ZNF605: variants seen among roughly 807,000 people sequenced by gnomAD.
ZNF605 encodes zinc finger protein 605.
Under a neutral mutation model 7.9 loss-of-function variants are expected in ZNF605, and 9 were observed. The observed-to-expected ratio is 1.14, with a 90% CI of 0.68 to 1.98. The LOEUF is 1.98. ZNF605 is among the 30% of genes most tolerant of loss of function. The pLI, the probability that ZNF605 is intolerant of heterozygous loss-of-function variation, is 0.00. For missense variants in ZNF605, 673 were observed against 762.4 expected (o/e 0.88, Z 1.38); for synonymous variants, 255 against 260.1 (o/e 0.98, Z 0.19).
At position 132,927,666 on chromosome 12, in the gene ZNF605, A is replaced by AT. The variant is rs536891180; in HGVS notation, c.137-505dup. On this transcript the variant is annotated intron_variant, in intron 4 of 4. Transcript: ENST00000360187. ...GGTGTGAGCCACTGCGCCCAGCCTTATTTTTTTTTTAGAGGGAGTCTCACT... is the reference window on the plus strand; with the variant it reads ...GGTGTGAGCCACTGCGCCCAGCCTTATTTTTTTTTTTAGAGGGAGTCTCACT... 2.3e-4 allele frequency among the ~76,000 whole-genome samples: 33 copies of AT among 143,058 alleles called. No individual in the cohort carries two copies. In the East Asian group the frequency reaches 4.0e-3, roughly 18 times the overall value. The allele number at this position is 143,058 out of a possible 152,430, so 93.9% of individuals were successfully genotyped here. A position where few individuals can be genotyped will look rare whatever the true frequency, so the allele number is the denominator to read the frequency against.
At chr12:132,931,164 A>C (rs1952304912) in intron 4 of ZNF605, among the ~76,000 whole-genome samples, 1 of 152,138 alleles carries the variant, frequency 6.6e-6, no homozygotes, top group Non-Finnish European at 1.5e-5. Flanking sequence ...TGCGTGACAA[A>C]GTGAGACCTT....
Position 132,925,233 on chromosome 12 carries a change from T to C in ZNF605, c.*140A>G, listed in dbSNP as rs1952234727. 3.4e-6 allele frequency: 2 copies of C among 587,684 alleles called. No individual in the cohort carries two copies. The highest frequency in any genetic ancestry group is 5.7e-6 in the Non-Finnish European group (2 of 352,844). 36.4% of individuals were successfully genotyped at this position (587,684 alleles called of 1,614,324 possible). A position where few individuals can be genotyped will look rare whatever the true frequency, so the allele number is the denominator to read the frequency against. ...AAAACTTCTCTTTCTAAATTCTGCTTAGTGACTCTTGACTCCTCAATTCAA... is the reference window on the plus strand; with the variant it reads ...AAAACTTCTCTTTCTAAATTCTGCTCAGTGACTCTTGACTCCTCAATTCAA... On this transcript the variant is annotated 3_prime_UTR_variant, in exon 5 of 5. Coordinates refer to ENST00000360187, the MANE Select transcript of ZNF605 (RefSeq NM_183238.4).
At chr12:132,944,718 T>C (rs1423329401) in intron 3 of ZNF605, 1 of 152,332 alleles carries the variant, frequency 6.6e-6, no homozygotes, top group Non-Finnish European at 1.5e-5. Flanking sequence ...GAAATAGTCC[T>C]AGGAAACCTG....
intron 3 of ZNF605, among the ~76,000 whole-genome samples, chr12:132,943,887 G>A (rs1276475486): frequency 6.6e-6 from 1 of 152,182 alleles, no homozygotes; most frequent in Admixed American, 6.5e-5. Flanking sequence ...GCCGGGAGGT[G>A]AGGTATTCCT....
intron 3 of ZNF605, among the ~76,000 whole-genome samples, chr12:132,938,720 G>A (rs1183040866): frequency 2.0e-5 from 3 of 152,210 alleles, no homozygotes; most frequent in Non-Finnish European, 4.4e-5. Context: ...CAAGGCTGGA[G>A]CCCACTCCCT....
In ZNF605 at chr12:132,925,970, G is replaced by A; in HGVS notation, c.1329C>T (p.His443=). ...TGCATTCATAAGGCTTCTCCCCAGT[G>A]TGTGTTCTGTGATGCGTTAGGAGCT... The part of the protein sequence containing the change: ...KSQLLTHHRT[H]TGEKPYECSE... The change falls in exon 5 of 5, where the codon CAC becomes CAT. Residue 443 remains histidine, a synonymous_variant. Coordinates refer to ENST00000360187, the MANE Select transcript of ZNF605 (RefSeq NM_183238.4). 6.2e-7 allele frequency: 1 copy of A among 1,614,184 alleles called. No individual in the cohort carries two copies.
In ZNF605 at chr12:132,945,761, A is replaced by G. The variant is rs1593599093; in HGVS notation, c.-126T>C. The G allele has an allele frequency of 1.5e-6, 2 of 1,356,344 alleles. No homozygotes were observed. The highest frequency in any genetic ancestry group is 4.6e-5 in the East Asian group (2 of 43,534). 84.0% of individuals were successfully genotyped at this position (1,356,344 alleles called of 1,614,324 possible). ...TTGGTCTTGTGGGCTCTTCTTTCTT[A>G]TCTCACATGAATTGTCTTGTTCCAG... On this transcript the variant is annotated 5_prime_UTR_variant, in exon 3 of 5. Transcript: ENST00000360187.
intron 1 of ZNF605, among the ~76,000 whole-genome samples, chr12:132,953,342 A>C (rs1056787862): frequency 1.3e-5 from 2 of 152,204 alleles, no homozygotes; most frequent in African/African-American, 4.8e-5. Flanking sequence ...TAGTGGCCCC[A>C]CAACAGCCTC....
At position 132,926,547 on chromosome 12, in the gene ZNF605, T is replaced by C; in HGVS notation, c.752A>G (p.Lys251Arg). The change falls in exon 5 of 5, where the codon AAG becomes AGG. Residue 251 changes from lysine to arginine, a missense_variant. By Grantham distance (26) the Lys-to-Arg change is conservative. Coordinates refer to ENST00000360187, the MANE Select transcript of ZNF605 (RefSeq NM_183238.4). ...TCCACATTCACTGCATCCATACGGCTTCTCTCCAGTATGAATTCTCTGATG... is the reference window on the plus strand; with the variant it reads ...TCCACATTCACTGCATCCATACGGCCTCTCTCCAGTATGAATTCTCTGATG... Reference protein sequence around the residue: ...ILHQRIHTGEKPYGCSECGKA... With the variant: ...ILHQRIHTGERPYGCSECGKA... 1 of 1,614,240 alleles carries C rather than the reference T, an allele frequency of 6.2e-7. No individual in the cohort carries two copies. Among genetic ancestry groups the C allele is most frequent in the Non-Finnish European group, 8.5e-7 (1 of 1,180,038 alleles).
chr12:132,945,023 T>C, intron 3 of ZNF605: 1 of 198,826 alleles, frequency 5.0e-6, no homozygotes, highest in Non-Finnish European at 1.0e-5. Flanking sequence ...TTTCTCACTC[T>C]GTCACCCTGG....
chr12:132,953,393 T>C (rs1328131638), intron 1 of ZNF605, among the ~76,000 whole-genome samples: 3 of 152,182 alleles, frequency 2.0e-5, no homozygotes, highest in Non-Finnish European at 4.4e-5. Flanking sequence ...TGGCACAGTA[T>C]AGACCACTAA....
rs1171275892 is a variant in ZNF605 at position 132,941,681 on chromosome 12, C to T, written c.15+3940G>A. Among the ~76,000 whole-genome samples the T allele has an allele frequency of 6.6e-6, 1 of 152,222 alleles. No homozygotes were observed. The highest frequency in any genetic ancestry group is 1.5e-5 in the Non-Finnish European group (1 of 68,044). On this transcript the variant is annotated intron_variant, in intron 3 of 4. Transcript: ENST00000360187. The surrounding 1 kb of genome is among the most constrained non-coding windows in gnomAD (Gnocchi z 5.1). The stretch of plus-strand genomic sequence containing the variant: ...GCCTGGACTACGCAGCTCAGGCAAG[C>T]GACCTCAGGCCTCACGCAGCCGTTC...
At chr12:132,940,032 C>A (rs1020206619) in intron 3 of ZNF605, among the ~76,000 whole-genome samples, 2 of 152,052 alleles carry the variant, frequency 1.3e-5, no homozygotes, top group African/African-American at 4.8e-5. Context: ...ACGCGCCACC[C>A]GAAGAGCTGT....
Position 132,918,672 on chromosome 12 carries a change from C to T in ZNF605, c.*6701G>A, listed in dbSNP as rs1025433106. On this transcript the variant is annotated 3_prime_UTR_variant, in exon 5 of 5. Coordinates refer to ENST00000360187, the MANE Select transcript of ZNF605 (RefSeq NM_183238.4). ...CTTGGCTCACTGCAACCTCCAACTC[C>T]TGGGTTCATGTGATTTGCCCACCTC... is the stretch of plus-strand genomic sequence containing the variant. 6.6e-6 allele frequency: 1 copy of T among 152,310 alleles called. No homozygotes were observed. Among genetic ancestry groups the T allele is most frequent in the Admixed American group, 6.5e-5 (1 of 15,286 alleles). The allele number at this position is 152,310 out of a possible 1,614,324, so 9.4% of individuals were successfully genotyped here. A position where few individuals can be genotyped will look rare whatever the true frequency, so the allele number is the denominator to read the frequency against.
intron 3 of ZNF605, among the ~76,000 whole-genome samples, chr12:132,940,856 T>C (rs887543922): frequency 3.3e-5 from 5 of 152,104 alleles, no homozygotes; most frequent in African/African-American, 1.2e-4. Flanking sequence ...GCCCAGGTGG[T>C]GAGCACAGAA....
intron 3 of ZNF605, among the ~76,000 whole-genome samples, chr12:132,939,559 C>G (rs1473311568): frequency 4.0e-5 from 6 of 151,652 alleles, no homozygotes; most frequent in African/African-American, 1.2e-4. Flanking sequence ...CTGATGGGGA[C>G]GTGGAGAACC....
At chr12:132,939,845 T>C (rs1474197430) in intron 3 of ZNF605, among the ~76,000 whole-genome samples, 1 of 148,882 alleles carries the variant, frequency 6.7e-6, no homozygotes, top group African/African-American at 2.6e-5. Context: ...GCTTCACTCC[T>C]GAGCCAGCGA....
rs73158707 is a variant in ZNF605 at position 132,941,347 on chromosome 12, G to C, written c.15+4274C>G. Among the ~76,000 whole-genome samples the C allele has an allele frequency of 0.25, 38,583 of 152,030 alleles. 5,247 individuals are homozygous for C. The highest frequency in any genetic ancestry group is 0.36 in the African/African-American group (14,774 of 41,464). Reference sequence around the variant, plus strand: ...GGCTAGCAGCGCCCAAAGGTAGATTGCCAGGTCAATCGGCCATGACATTCT... The same window carrying C: ...GGCTAGCAGCGCCCAAAGGTAGATTCCCAGGTCAATCGGCCATGACATTCT... On this transcript the variant is annotated intron_variant, in intron 3 of 4. Transcript: ENST00000360187. This position sits in a 1 kb window ranked among gnomAD's most constrained non-coding sequence, Gnocchi z 5.1.
intron 2 of ZNF605, among the ~76,000 whole-genome samples, chr12:132,946,569 G>A (rs1392588036): frequency 6.6e-6 from 1 of 152,222 alleles, no homozygotes; most frequent in Non-Finnish European, 1.5e-5. Context: ...CCAGCTGCCG[G>A]TTTCCAAGGG....
Sources: gnomAD v4.1 joint callset for allele counts (sites outside exome capture counted in the v4.1 genomes callset) on GRCh38, gnomAD v4.1.1 for gene constraint, Gnocchi (gnomAD v3.1) non-coding constraint, MANE v1.5 for transcripts, NCBI Gene and HGNC (gene_info 2026-07-23, HGNC 2026-07-21) for gene names.